MICAL3: variants seen among roughly 807,000 people sequenced by gnomAD.
The protein encoded by MICAL3 is [F-actin]-monooxygenase MICAL3.
MICAL3 carries 62 observed loss-of-function variants against 207.4 expected under a neutral mutation model. That is an observed-to-expected ratio of 0.30 (90% CI 0.24 to 0.37). The LOEUF (loss-of-function observed/expected upper bound fraction) is 0.37, where lower values mean the gene tolerates loss of function less well. Ranked by LOEUF, MICAL3 falls within the 10% of genes least tolerant of loss-of-function variation. MICAL3 has a pLI of 1.00. For synonymous variants in MICAL3, 1,077 were observed against 1,069.3 expected (o/e 1.01, Z -0.14); for missense variants, 2,368 against 2,635.6 (o/e 0.90, Z 2.22).
intron 19 of MICAL3, among the ~76,000 whole-genome samples, chr22:17,856,535 A>T (rs1925907175): frequency 6.6e-6 from 1 of 152,070 alleles, no homozygotes; most frequent in Non-Finnish European, 1.5e-5. Flanking sequence ...AAGAAGGCTG[A>T]ACTGGCCAAA....
At chr22:17,929,569 T>TTTC (rs1556418269) in intron 1 of MICAL3, among the ~76,000 whole-genome samples, 3 of 13,754 alleles carry the variant, frequency 2.2e-4, no homozygotes, top group East Asian at 1.4e-3. Context: ...TTTTCTTTTC[T>TTTC]TTTTTTTTTT....
intron 29 of MICAL3, among the ~76,000 whole-genome samples, chr22:17,805,863 G>A (rs1366459885): frequency 6.6e-6 from 1 of 152,152 alleles, no homozygotes; most frequent in African/African-American, 2.4e-5. Context: ...CGAGTAGCTG[G>A]GATTACAGGC....
chr22:17,828,130 C>G (rs1003318673), intron 21 of MICAL3, among the ~76,000 whole-genome samples: 2 of 152,212 alleles, frequency 1.3e-5, no homozygotes, highest in African/African-American at 4.8e-5. Flanking sequence ...GGAAAAAGAG[C>G]AGATTCCAGC....
At chr22:17,891,981 T>A (rs1930431599) in intron 11 of MICAL3, among the ~76,000 whole-genome samples, 1 of 152,196 alleles carries the variant, frequency 6.6e-6, no homozygotes, top group African/African-American at 2.4e-5. Context: ...ACAGCAGCTC[T>A]GAGTTCCCGG....
intron 11 of MICAL3, among the ~76,000 whole-genome samples, chr22:17,893,445 C>T (rs558112316): frequency 2.6e-5 from 4 of 152,170 alleles, no homozygotes; most frequent in African/African-American, 7.2e-5. Context: ...AGTCTTCTCC[C>T]GAAACCTTAG....
At chr22:17,866,673 A>AATAGAAT (rs1339289665) in intron 17 of MICAL3, among the ~76,000 whole-genome samples, 14 of 138,862 alleles carry the variant, frequency 1.0e-4, no homozygotes, top group African/African-American at 2.6e-4. Flanking sequence ...TAGAATATAG[A>AATAGAAT]ATAGAATAGA....
chr22:17,864,489 G>A (rs1926841307), intron 19 of MICAL3: 1 of 1,425,994 alleles, frequency 7.0e-7, no homozygotes, highest in Non-Finnish European at 9.1e-7. Flanking sequence ...ACTGCATGAA[G>A]GCCGAGTGGC....
chr22:18,022,331 G>A (rs185117240), intron 1 of MICAL3, among the ~76,000 whole-genome samples: 1 of 152,284 alleles, frequency 6.6e-6, no homozygotes, highest in East Asian at 1.9e-4. Flanking sequence ...AGGATTTTAG[G>A]CCTGAGAAGG....
intron 1 of MICAL3, among the ~76,000 whole-genome samples, chr22:17,999,855 A>T (rs1029232480): frequency 2.0e-5 from 3 of 152,228 alleles, no homozygotes; most frequent in Non-Finnish European, 4.4e-5. Context: ...TATAAAAGAG[A>T]TTTAAAACTT....
intron 1 of MICAL3, chr22:18,019,806 ATTTTTTTT>A (rs34107345): frequency 1.3e-4 from 10 of 77,866 alleles, no homozygotes; most frequent in South Asian, 4.9e-4. Flanking sequence ...AATGCTGCTG[ATTTTTTTT>A]TTTTTTTTTT....
At chr22:17,875,393 A>C in intron 16 of MICAL3, 1 of 1,155,516 alleles carries the variant, frequency 8.7e-7, no homozygotes, top group Non-Finnish European at 1.2e-6. Context: ...TGCGAAAGTG[A>C]CGTGAGTGGA....
chr22:17,975,073 GCA>G (rs1185602971), intron 1 of MICAL3, among the ~76,000 whole-genome samples: 1 of 152,172 alleles, frequency 6.6e-6, no homozygotes, highest in African/African-American at 2.4e-5. Flanking sequence ...GGCCAGCGTG[GCA>G]CAGATTCCAA....
intron 1 of MICAL3, among the ~76,000 whole-genome samples, chr22:17,929,833 G>T (rs1933154146): frequency 6.6e-6 from 1 of 152,176 alleles, no homozygotes; most frequent in South Asian, 2.1e-4. Context: ...CTCCCAAAGT[G>T]CTGGGATTAC....
chr22:18,011,266 C>A lies in MICAL3; in HGVS notation c.-75+13015G>T, dbSNP rs535774519. The stretch of plus-strand genomic sequence containing the variant: ...CAGCCTTATCAAGAAGAGAAGCTGG[C>A]TGGGCGCAGTGGCTCATGCCTGTAA... On this transcript the variant is annotated intron_variant, in intron 1 of 31. Transcript: ENST00000441493. Among the ~76,000 whole-genome samples the A allele has an allele frequency of 2.0e-5, 3 of 152,270 alleles. No homozygotes were observed. In the East Asian group the frequency reaches 5.8e-4, roughly 29 times the overall value.
intron 1 of MICAL3, among the ~76,000 whole-genome samples, chr22:17,939,789 C>T (rs1045130346): frequency 2.6e-5 from 4 of 152,196 alleles, no homozygotes; most frequent in South Asian, 2.1e-4. Context: ...CCCTCCTCTA[C>T]AGCAAATAGT....
At position 17,864,665 on chromosome 22, in the gene MICAL3, C is replaced by T. The variant is rs370912755; in HGVS notation, c.2605+234G>A. 497 of 1,604,240 alleles carry T rather than the reference C, an allele frequency of 3.1e-4. 1 individual carries two copies. Among genetic ancestry groups the T allele is most frequent in the Middle Eastern group, 1.2e-3 (7 of 5,978 alleles). ...ACCGGACGGCCCCATCACTGGGCCA[C>T]AGCCTGCCAGTGGAACTCCCCTCTG... is the stretch of plus-strand genomic sequence containing the variant. On this transcript the variant is annotated intron_variant, in intron 19 of 31. Coordinates refer to ENST00000441493, the MANE Select transcript of MICAL3 (RefSeq NM_015241.3).
At position 17,804,602 on chromosome 22, in the gene MICAL3, A is replaced by C. The variant is rs375349709; in HGVS notation, c.5650+4242T>G. On this transcript the variant is annotated intron_variant, in intron 29 of 31. Coordinates refer to ENST00000441493, the MANE Select transcript of MICAL3 (RefSeq NM_015241.3). The stretch of plus-strand genomic sequence containing the variant: ...TGGTAGTTCCACAGCTGTCTGGCCA[A>C]GAGCGCTATGTAATTTCCACGCCTG... Among the ~76,000 whole-genome samples the C allele has an allele frequency of 1.3e-4, 20 of 152,302 alleles. No individual in the cohort carries two copies. The East Asian group carries it at 2.1e-3, about 16-fold the overall frequency.
At chr22:17,800,965 G>A (rs1004748798) in intron 29 of MICAL3, among the ~76,000 whole-genome samples, 6 of 152,144 alleles carry the variant, frequency 3.9e-5, no homozygotes, top group Non-Finnish European at 8.8e-5. Context: ...TCCCTGCAGT[G>A]GGGAACGTCC....
chr22:17,846,210 C>A (rs1053756499), intron 19 of MICAL3, among the ~76,000 whole-genome samples: 1 of 152,176 alleles, frequency 6.6e-6, no homozygotes, highest in Non-Finnish European at 1.5e-5. Flanking sequence ...CAGGTCCACA[C>A]AGAGCTCCAG....
Sources: gnomAD v4.1 joint callset for allele counts (sites outside exome capture counted in the v4.1 genomes callset) on GRCh38, gnomAD v4.1.1 for gene constraint, MANE v1.5 for transcripts, NCBI Gene and HGNC (gene_info 2026-07-23, HGNC 2026-07-21) for gene names.